CFAP221: variants seen among roughly 807,000 people sequenced by gnomAD.
CFAP221 encodes the protein cilia- and flagella-associated protein 221.
CFAP221 carries 97 observed loss-of-function variants against 113.1 expected under a neutral mutation model. The observed-to-expected ratio is 0.86, with a 90% CI of 0.73 to 1.02. The LOEUF (loss-of-function observed/expected upper bound fraction) is 1.02. Among genes scored for constraint, CFAP221 ranks in the 50% least tolerant of loss-of-function variants. The pLI, the probability that CFAP221 is intolerant of heterozygous loss-of-function variation, is 0.00. For synonymous variants in CFAP221, 331 were observed against 354.4 expected, an observed-to-expected ratio of 0.93 and a Z score of 0.74; for missense variants, 1,025 against 1,013.4, an observed-to-expected ratio of 1.01 and a Z score of -0.16.
chr2:119,571,462 C>T (rs1682051053), intron 6 of CFAP221, among the ~76,000 whole-genome samples: 1 of 145,094 alleles, frequency 6.9e-6, no homozygotes, highest in African/African-American at 2.6e-5. Context: ...TTTTTTCAAG[C>T]TTTTTTTCTT....
intron 22 of CFAP221, among the ~76,000 whole-genome samples, chr2:119,650,432 C>T (rs1412504829): frequency 6.6e-6 from 1 of 152,226 alleles, no homozygotes; most frequent in Non-Finnish European, 1.5e-5. Flanking sequence ...CCGCCAGGCC[C>T]ACTGGGGAGA....
At chr2:119,596,927 T>C (rs997713303) in intron 7 of CFAP221, among the ~76,000 whole-genome samples, 2 of 152,196 alleles carry the variant, frequency 1.3e-5, no homozygotes, top group African/African-American at 4.8e-5. Context: ...GGCACTTTTG[T>C]GGAGCAAAAG....
intron 23 of CFAP221, among the ~76,000 whole-genome samples, chr2:119,654,958 C>T (rs901292228): frequency 2.6e-5 from 4 of 152,186 alleles, no homozygotes; most frequent in African/African-American, 4.8e-5. Flanking sequence ...GTTTTTCCTT[C>T]TCTGTTCTTA....
chr2:119,592,956 A>G (rs1000855200), intron 7 of CFAP221, among the ~76,000 whole-genome samples: 1 of 152,180 alleles, frequency 6.6e-6, no homozygotes, highest in Non-Finnish European at 1.5e-5. Flanking sequence ...GTTCTGCATC[A>G]TTTTTGTCCC....
chr2:119,626,812 C>T (rs1033105121), intron 15 of CFAP221, among the ~76,000 whole-genome samples: 2 of 151,988 alleles, frequency 1.3e-5, no homozygotes, highest in African/African-American at 4.8e-5. Flanking sequence ...TGCCTGTAGT[C>T]CCAGCTACTC....
At chr2:119,597,011 A>C (rs1353619055) in intron 7 of CFAP221, among the ~76,000 whole-genome samples, 1 of 152,082 alleles carries the variant, frequency 6.6e-6, no homozygotes, top group Admixed American at 6.5e-5. Flanking sequence ...CTGTGTAAGA[A>C]CTCAAGCGGG....
intron 3 of CFAP221, among the ~76,000 whole-genome samples, chr2:119,556,672 C>T (rs532623265): frequency 2.0e-5 from 3 of 151,950 alleles, no homozygotes; most frequent in South Asian, 2.1e-4. Flanking sequence ...CCTGCCTCAG[C>T]CTCCCGAGTA....
chr2:119,651,932 G>A, intron 22 of CFAP221, 42 bp from the exon 23 acceptor site: 1 of 1,430,314 alleles, frequency 7.0e-7, no homozygotes, highest in African/African-American at 1.4e-5. Context: ...TTTACACTGG[G>A]AAGGAAAAGC....
At chr2:119,598,095 G>A (rs1281194652) in intron 7 of CFAP221, among the ~76,000 whole-genome samples, 1 of 152,084 alleles carries the variant, frequency 6.6e-6, no homozygotes, top group Non-Finnish European at 1.5e-5. Context: ...ACAATTTAGG[G>A]AGAGTGATCT....
At chr2:119,585,576 AG>A (rs1683159889) in intron 6 of CFAP221, among the ~76,000 whole-genome samples, 1 of 152,220 alleles carries the variant, frequency 6.6e-6, no homozygotes, top group Admixed American at 6.5e-5. Flanking sequence ...TAGTAGATAA[AG>A]GGGTCGTTAT....
At chr2:119,590,236 T>C (rs2104626518) in intron 7 of CFAP221, 1 of 152,334 alleles carries the variant, frequency 6.6e-6, no homozygotes, top group East Asian at 1.9e-4. Flanking sequence ...AAGAAAAATA[T>C]AAGCCACTTA....
chr2:119,548,105 A>T (rs1218715514), intron 2 of CFAP221, among the ~76,000 whole-genome samples: 1 of 152,122 alleles, frequency 6.6e-6, no homozygotes, highest in African/African-American at 2.4e-5. Context: ...CTGGGATCAC[A>T]AGCGCACACT....
Position 119,625,625 on chromosome 2 carries a change from C to G in CFAP221, c.1453C>G (p.Arg485Gly). 1 of 1,613,796 alleles carries G rather than the reference C, an allele frequency of 6.2e-7. No homozygotes were observed. Among genetic ancestry groups the G allele is most frequent in the South Asian group, 1.1e-5 (1 of 91,056 alleles). Reference protein sequence around the residue: ...GRLFNMLSAVREMDKESILRK... With the variant: ...GRLFNMLSAVGEMDKESILRK... ...ATTATTCAATATGCTGAGTGCTGTTCGTGAAATGGACAAAGAGAGTATACT... is the reference window on the plus strand; with the variant it reads ...ATTATTCAATATGCTGAGTGCTGTTGGTGAAATGGACAAAGAGAGTATACT... The change falls in exon 15 of 24, where the codon CGT becomes GGT. Residue 485 changes from arginine (R) to glycine (G), a missense_variant. Coordinates refer to ENST00000413369, the MANE Select transcript of CFAP221 (RefSeq NM_001271049.2).
intron 16 of CFAP221, among the ~76,000 whole-genome samples, chr2:119,629,329 A>C (rs1037614585): frequency 2.6e-5 from 4 of 152,218 alleles, no homozygotes; most frequent in Non-Finnish European, 5.9e-5. Context: ...TAGAGGGGAC[A>C]GGATTGGGTG....
At chr2:119,636,155 C>T (rs868036803) in intron 19 of CFAP221, among the ~76,000 whole-genome samples, 10 of 152,134 alleles carry the variant, frequency 6.6e-5, no homozygotes, top group Non-Finnish European at 7.4e-5. Context: ...AAGCCAAACC[C>T]GTAATCCAAG....
At chr2:119,635,778 T>C (rs1470259038) in intron 19 of CFAP221, among the ~76,000 whole-genome samples, 1 of 152,098 alleles carries the variant, frequency 6.6e-6, no homozygotes, top group Non-Finnish European at 1.5e-5. Context: ...AGCATTATAG[T>C]GAAGTCTTGG....
intron 13 of CFAP221, 57 bp from the exon 14 acceptor site, chr2:119,615,554 G>A: frequency 4.8e-6 from 6 of 1,260,768 alleles, no homozygotes; most frequent in Non-Finnish European, 5.6e-6. Context: ...TTTATTAGAT[G>A]TTTATGACAG....
At chr2:119,611,559 G>T in intron 12 of CFAP221, 94 bp from the exon 13 acceptor site, 1 of 1,055,994 alleles carries the variant, frequency 9.5e-7, no homozygotes, top group Non-Finnish European at 1.4e-6. Context: ...GGGTGGATTT[G>T]GCCAATTGCT....
intron 1 of CFAP221, 28 bp from the exon 2 acceptor site, chr2:119,546,057 G>A (rs1438247270): frequency 2.8e-6 from 4 of 1,417,624 alleles, no homozygotes; most frequent in African/African-American, 2.9e-5. Context: ...TCTCATGGAT[G>A]ATTATACTGC....
Sources: gnomAD v4.1 joint callset for allele counts (sites outside exome capture counted in the v4.1 genomes callset) on GRCh38, gnomAD v4.1.1 for gene constraint, MANE v1.5 for transcripts, NCBI Gene and HGNC (gene_info 2026-07-23, HGNC 2026-07-21) for gene names.